The following SMYD3 variants were observed in gnomAD, a reference collection of about 807,000 sequenced individuals.
SMYD3 encodes SET and MYND domain containing 3.
Under a neutral mutation model 57.7 loss-of-function variants are expected in SMYD3, and 36 were observed. The ratio of observed to expected loss-of-function variants is 0.62; its 90% CI spans 0.48 to 0.82. The LOEUF is 0.82. SMYD3 is among the 40% of genes least tolerant of loss of function. The pLI, the probability that SMYD3 is intolerant of heterozygous loss-of-function variation, is 0.00. For synonymous variants in SMYD3, 211 were observed against 195.0 expected (o/e 1.08, Z -0.68); for missense variants, 515 against 538.8 (o/e 0.96, Z 0.44).
intron 5 of SMYD3, among the ~76,000 whole-genome samples, chr1:246,057,678 G>A (rs2060176890): frequency 6.6e-6 from 1 of 152,184 alleles, no homozygotes; most frequent in African/African-American, 2.4e-5. Context: ...ACAGCCACTT[G>A]GGAAGACAGT....
chr1:246,326,435 T>C lies in SMYD3; in HGVS notation c.531+766A>G, dbSNP rs757720835. On this transcript the variant is annotated intron_variant, in intron 5 of 11. Coordinates refer to ENST00000490107, the MANE Select transcript of SMYD3 (RefSeq NM_001167740.2). ...AAAAAATCAATCATCGCACTCTTCC[T>C]CCCTAGGCCAAGATAAACCCTCGGA... The C allele has an allele frequency of 3.2e-5, 21 of 663,640 alleles. 1 individual carries two copies. The Middle Eastern group carries it at 1.2e-3, about 39-fold the overall frequency. The allele number at this position is 663,640 out of a possible 1,614,324, so 41.1% of individuals were successfully genotyped here.
chr1:245,805,914 G>A (rs1014321155), intron 10 of SMYD3, among the ~76,000 whole-genome samples: 2 of 152,188 alleles, frequency 1.3e-5, no homozygotes, highest in Non-Finnish European at 2.9e-5. Flanking sequence ...TCCTTCTACT[G>A]CTTCAGTATA....
chr1:246,157,995 T>C (rs542260281), intron 5 of SMYD3, among the ~76,000 whole-genome samples: 4 of 152,178 alleles, frequency 2.6e-5, no homozygotes, highest in African/African-American at 4.8e-5. Flanking sequence ...GCACAGCAGA[T>C]TGAATGGACA....
chr1:246,218,185 A>G (rs2063194267), intron 5 of SMYD3, among the ~76,000 whole-genome samples: 1 of 152,058 alleles, frequency 6.6e-6, no homozygotes, highest in African/African-American at 2.4e-5. Context: ...ATACCAAATT[A>G]TAACACATAA....
At chr1:246,132,210 A>G (rs1313079335) in intron 5 of SMYD3, among the ~76,000 whole-genome samples, 1 of 152,124 alleles carries the variant, frequency 6.6e-6, no homozygotes, top group African/African-American at 2.4e-5. Flanking sequence ...AAAGCTTTAC[A>G]AGAAACTCAT....
chr1:246,362,249 A>C (rs1238659888), intron 1 of SMYD3, among the ~76,000 whole-genome samples: 1 of 152,192 alleles, frequency 6.6e-6, no homozygotes, highest in Non-Finnish European at 1.5e-5. Flanking sequence ...AAATTATCAT[A>C]TAGTTTAATT....
intron 6 of SMYD3, among the ~76,000 whole-genome samples, 193 bp from the exon 7 acceptor site, chr1:245,928,226 T>TC (rs1159690305): frequency 6.6e-6 from 1 of 151,986 alleles, no homozygotes; most frequent in Non-Finnish European, 1.5e-5. Context: ...AGTGCAATTC[T>TC]CCTCAAGATG....
At chr1:245,883,808 C>A (rs561665514) in intron 8 of SMYD3, among the ~76,000 whole-genome samples, 1 of 152,122 alleles carries the variant, frequency 6.6e-6, no homozygotes, top group Non-Finnish European at 1.5e-5. Flanking sequence ...CTAGGAACTT[C>A]TTCTAGGCTA....
intron 1 of SMYD3, among the ~76,000 whole-genome samples, chr1:246,400,132 T>C (rs1026785847): frequency 6.6e-6 from 1 of 152,216 alleles, no homozygotes; most frequent in Non-Finnish European, 1.5e-5. Flanking sequence ...AAATGCTCCA[T>C]TGCTAGGTGA....
chr1:246,090,680 G>C (rs2060808365), intron 5 of SMYD3, among the ~76,000 whole-genome samples: 1 of 151,878 alleles, frequency 6.6e-6, no homozygotes, highest in Non-Finnish European at 1.5e-5. Context: ...ACCACATCTG[G>C]CTAATTTTTG....
chr1:246,444,537 G>GC (rs1484617287), intron 1 of SMYD3, among the ~76,000 whole-genome samples: 1 of 152,210 alleles, frequency 6.6e-6, no homozygotes, highest in Non-Finnish European at 1.5e-5. Flanking sequence ...ATGACTGACT[G>GC]CCTTTGTCAA....
intron 10 of SMYD3, among the ~76,000 whole-genome samples, chr1:245,769,330 C>T (rs4593788): frequency 3.9e-5 from 6 of 152,106 alleles, no homozygotes; most frequent in African/African-American, 7.2e-5. Flanking sequence ...CACCCCTCAA[C>T]GATCCTTGTG....
chr1:246,402,815 A>G (rs1207583440), intron 1 of SMYD3, among the ~76,000 whole-genome samples: 1 of 152,224 alleles, frequency 6.6e-6, no homozygotes, highest in Non-Finnish European at 1.5e-5. Flanking sequence ...TCCATTTACT[A>G]TAAAGAGATT....
At chr1:246,201,509 A>G (rs12079361) in intron 5 of SMYD3, among the ~76,000 whole-genome samples, 19,595 of 152,190 alleles carry the variant, frequency 0.13, 3,283 homozygotes, top group African/African-American at 0.38. Context: ...CATCAAAAAC[A>G]TGGCAGTACC....
At chr1:246,200,579 G>A (rs12067965) in intron 5 of SMYD3, among the ~76,000 whole-genome samples, 3 of 124,486 alleles carry the variant, frequency 2.4e-5, no homozygotes, top group South Asian at 4.2e-4. Context: ...CAGCGTAGAC[G>A]CTGAGGTAGA....
intron 10 of SMYD3, among the ~76,000 whole-genome samples, chr1:245,813,458 G>A (rs991255795): frequency 6.6e-6 from 1 of 152,162 alleles, no homozygotes; most frequent in Non-Finnish European, 1.5e-5. Context: ...CCCCCTGAAA[G>A]GAAGGTTGTC....
At chr1:246,216,557 T>C (rs184812819) in intron 5 of SMYD3, among the ~76,000 whole-genome samples, 86 of 152,248 alleles carry the variant, frequency 5.6e-4, no homozygotes, top group Non-Finnish European at 5.9e-5. Flanking sequence ...TATGGCATTG[T>C]TATAAAAGAG....
At chr1:245,843,373 T>C (rs1442018103) in intron 10 of SMYD3, among the ~76,000 whole-genome samples, 1 of 152,190 alleles carries the variant, frequency 6.6e-6, no homozygotes, top group Non-Finnish European at 1.5e-5. Flanking sequence ...GCTTTGGGGA[T>C]GTGGATCCAC....
chr1:245,930,127 C>A, intron 5 of SMYD3, 190 bp from the exon 6 acceptor site: 1 of 615,260 alleles, frequency 1.6e-6, no homozygotes, highest in Non-Finnish European at 3.0e-6. Context: ...CTAAAAACAT[C>A]AGGTGGTTAA....
Sources: gnomAD v4.1 joint callset for allele counts (sites outside exome capture counted in the v4.1 genomes callset) on GRCh38, gnomAD v4.1.1 for gene constraint, MANE v1.5 for transcripts, NCBI Gene and HGNC (gene_info 2026-07-23, HGNC 2026-07-21) for gene names.